Variants in WDR17 observed in about 807,000 individuals in gnomAD.
WDR17 encodes the protein WD repeat domain 17, also known as WD repeat-containing protein 17.
WDR17 carries 143 observed loss-of-function variants against 161.7 expected under a neutral mutation model. That is an observed-to-expected ratio of 0.88 (90% CI 0.77 to 1.02). The LOEUF (loss-of-function observed/expected upper bound fraction) is 1.02. Among genes scored for constraint, WDR17 ranks in the 50% least tolerant of loss-of-function variants. The pLI, the probability that WDR17 is intolerant of heterozygous loss-of-function variation, is 0.00. For missense variants in WDR17, 1,469 were observed against 1,520.9 expected, an observed-to-expected ratio of 0.97 and a Z score of 0.57; for synonymous variants, 517 against 515.6, an observed-to-expected ratio of 1.00 and a Z score of -0.04.
At position 176,104,976 on chromosome 4, in the gene WDR17, G is replaced by A. The variant is rs150700305; in HGVS notation, c.-6-6599G>A. Among the ~76,000 whole-genome samples the A allele has an allele frequency of 4.4e-3, 667 of 151,832 alleles. 5 individuals are homozygous for A. Among genetic ancestry groups the A allele is most frequent in the African/African-American group, 0.015 (614 of 41,434 alleles). ...TTAAAAAAAGATCCATCTGTATGCCGTCTACAGTTGATTCACTTGAGATCC... is the reference window on the plus strand; with the variant it reads ...TTAAAAAAAGATCCATCTGTATGCCATCTACAGTTGATTCACTTGAGATCC... On this transcript the variant is annotated intron_variant, in intron 1 of 28. Transcript: ENST00000508596.
chr4:176,167,061 CGTGT>C (rs1001104657), intron 22 of WDR17, among the ~76,000 whole-genome samples: 9 of 152,172 alleles, frequency 5.9e-5, no homozygotes, highest in Admixed American at 4.6e-4. Flanking sequence ...TAGTTTGTGA[CGTGT>C]GTGTATTTTT....
intron 17 of WDR17, among the ~76,000 whole-genome samples, chr4:176,154,271 G>A (rs1310556704): frequency 1.3e-5 from 2 of 152,060 alleles, no homozygotes; most frequent in Admixed American, 6.6e-5. Flanking sequence ...ACCTGAGGTC[G>A]AGAGTTTGAG....
chr4:176,177,457 T>A lies in WDR17; in HGVS notation c.3549-14T>A. 6.6e-7 allele frequency: 1 copy of A among 1,521,358 alleles called. No individual in the cohort carries two copies. Among genetic ancestry groups the A allele is most frequent in the Non-Finnish European group, 8.8e-7 (1 of 1,140,046 alleles). 94.2% of individuals were successfully genotyped at this position (1,521,358 alleles called of 1,614,324 possible). On this transcript the variant is annotated splice_polypyrimidine_tract_variant and intron_variant, in intron 27 of 28. Transcript: ENST00000508596. Reference sequence around the variant, plus strand: ...TTCGACAAAATGAAATTTTGATATCTGTTGAAAATATAGATCATTAGAAGA... The same window carrying A: ...TTCGACAAAATGAAATTTTGATATCAGTTGAAAATATAGATCATTAGAAGA...
chr4:176,105,757 A>C (rs529259954), intron 1 of WDR17, among the ~76,000 whole-genome samples: 1 of 152,292 alleles, frequency 6.6e-6, no homozygotes, highest in South Asian at 2.1e-4. Flanking sequence ...CTTTCATTAA[A>C]GCATTTATAG....
At chr4:176,141,907 A>T in intron 10 of WDR17, 76 bp from the exon 11 acceptor site, 1 of 1,169,414 alleles carries the variant, frequency 8.6e-7, no homozygotes, top group Non-Finnish European at 1.2e-6. Context: ...TTTGAAATTT[A>T]CAATTCTGAC....
rs368584211 is a variant in WDR17, at chr4:176,105,930, C to T, written c.-6-5645C>T. ...ATCAACGAAATTGTCAAACCTGTAG[C>T]TGGATAAACTAAGAAAAAGAGAGAA... is the stretch of plus-strand genomic sequence containing the variant. On this transcript the variant is annotated intron_variant, in intron 1 of 28. Transcript: ENST00000508596. 6.6e-5 allele frequency among the ~76,000 whole-genome samples: 10 copies of T among 151,766 alleles called. No individual in the cohort carries two copies. In the East Asian group the frequency reaches 1.9e-3, roughly 29 times the overall value.
chr4:176,137,911 G>C (rs1482134763), intron 9 of WDR17, among the ~76,000 whole-genome samples: 1 of 151,664 alleles, frequency 6.6e-6, no homozygotes, highest in Non-Finnish European at 1.5e-5. Flanking sequence ...CCAAATTATA[G>C]TCCTGGTTCT....
intron 17 of WDR17, among the ~76,000 whole-genome samples, chr4:176,154,027 A>T (rs1747663814): frequency 6.6e-6 from 1 of 152,198 alleles, no homozygotes; most frequent in African/African-American, 2.4e-5. Context: ...GTAATTCTTT[A>T]GCTTTCTGGG....
At chr4:176,103,716 G>A (rs1460678455) in intron 1 of WDR17, among the ~76,000 whole-genome samples, 4 of 151,998 alleles carry the variant, frequency 2.6e-5, no homozygotes. Flanking sequence ...AAAATATTGA[G>A]TCTGAGGAAC....
In WDR17 at chr4:176,177,548, A is replaced by G; in HGVS notation, c.3626A>G (p.Lys1209Arg). 6.2e-7 allele frequency: 1 copy of G among 1,601,852 alleles called. No homozygotes were observed. Among genetic ancestry groups the G allele is most frequent in the Non-Finnish European group, 8.5e-7 (1 of 1,177,044 alleles). Residue 1209 changes from lysine (K) to arginine (R), a missense_variant, in exon 28 of 29, where the codon AAA (lysine) becomes AGA (arginine). Lys to Arg is a conservative substitution (Grantham distance 26, BLOSUM62 2). Coordinates refer to ENST00000508596, the MANE Select transcript of WDR17 (RefSeq NM_181265.4). ...MIYATLLKRL[K>R]EESLKGIIGP... ...TATGCAACTTTATTAAAGAGACTAA[A>G]AGAAGAGTCACTGAAAGGAATTATT...
intron 18 of WDR17, among the ~76,000 whole-genome samples, chr4:176,159,309 A>G (rs923503136): frequency 2.2e-5 from 3 of 134,624 alleles, no homozygotes; most frequent in African/African-American, 6.2e-5. Flanking sequence ...ACACACACAC[A>G]GATGGAGAGA....
chr4:176,150,672 A>G (rs1049412962), intron 16 of WDR17, 79 bp downstream of exon 16: 80 of 1,374,558 alleles, frequency 5.8e-5, no homozygotes, highest in Non-Finnish European at 7.6e-5. Context: ...ATGATTTTAA[A>G]AATATATATG....
At chr4:176,084,132 A>C (rs1302761968) in intron 1 of WDR17, among the ~76,000 whole-genome samples, 1 of 151,958 alleles carries the variant, frequency 6.6e-6, no homozygotes, top group African/African-American at 2.4e-5. Flanking sequence ...GATGAATGCA[A>C]GTGTTTTAGT....
intron 5 of WDR17, among the ~76,000 whole-genome samples, chr4:176,127,443 A>C (rs373940418): frequency 2.0e-5 from 3 of 151,880 alleles, no homozygotes; most frequent in East Asian, 1.9e-4. Flanking sequence ...ACTGTGGTGC[A>C]TGCCACCATA....
intron 1 of WDR17, among the ~76,000 whole-genome samples, chr4:176,106,251 G>A (rs1490289435): frequency 6.6e-6 from 1 of 151,642 alleles, no homozygotes; most frequent in Admixed American, 6.6e-5. Flanking sequence ...TAGACCAGTG[G>A]AATATAATAT....
At chr4:176,114,097 T>C (rs1201772568) in intron 2 of WDR17, among the ~76,000 whole-genome samples, 1 of 152,080 alleles carries the variant, frequency 6.6e-6, no homozygotes, top group Non-Finnish European at 1.5e-5. Flanking sequence ...ACTATATTAA[T>C]AGATTCTTTT....
At chr4:176,159,254 T>G (rs1748626731) in intron 18 of WDR17, among the ~76,000 whole-genome samples, 1 of 147,742 alleles carries the variant, frequency 6.8e-6, no homozygotes, top group Non-Finnish European at 1.5e-5. Context: ...GAGACGTAGA[T>G]GGGAAGATAC....
At chr4:176,105,202 C>T (rs192236489) in intron 1 of WDR17, among the ~76,000 whole-genome samples, 2 of 151,634 alleles carry the variant, frequency 1.3e-5, no homozygotes, top group Admixed American at 6.6e-5. Flanking sequence ...ATTTATACAC[C>T]TAAAAAACAC....
At chr4:176,127,908 T>C (rs543040086) in intron 5 of WDR17, among the ~76,000 whole-genome samples, 1 of 152,352 alleles carries the variant, frequency 6.6e-6, no homozygotes, top group Admixed American at 6.5e-5. Context: ...ATTCAGTCTG[T>C]TGCCTTTTGT....
Sources: allele counts gnomAD v4.1 joint callset (sites outside exome capture counted in the v4.1 genomes callset), GRCh38; gene constraint gnomAD v4.1.1; transcripts MANE v1.5; gene names NCBI Gene and HGNC (gene_info 2026-07-23, HGNC 2026-07-21).